FBXL13: variants seen among roughly 807,000 people sequenced by gnomAD.
FBXL13 encodes F-box and leucine rich repeat protein 13.
In FBXL13, 67 loss-of-function variants were observed where a neutral mutation model predicts 83.6. That is an observed-to-expected ratio of 0.80 (90% CI 0.66 to 0.98). FBXL13 has a LOEUF of 0.98. Among genes scored for constraint, FBXL13 ranks in the 50% least tolerant of loss-of-function variants. FBXL13 has a pLI of 0.00. For synonymous variants in FBXL13, 272 were observed against 299.5 expected (o/e 0.91, Z 0.95); for missense variants, 822 against 866.5 (o/e 0.95, Z 0.64).
At chr7:102,833,022 G>C (rs376506213) in intron 17 of FBXL13, 48 bp from the exon 19 acceptor site, 3 of 1,602,076 alleles carry the variant, frequency 1.9e-6, no homozygotes, top group South Asian at 1.1e-5. Context: ...TAGTCATCTA[G>C]AACTGTCTTA....
chr7:102,921,980 C>G (rs1817123972), intron 10 of FBXL13, among the ~76,000 whole-genome samples: 1 of 152,042 alleles, frequency 6.6e-6, no homozygotes, highest in African/African-American at 2.4e-5. Context: ...CACTTGAGGT[C>G]AAGAGTTTGA....
chr7:102,924,598 A>T (rs6949710), intron 10 of FBXL13, among the ~76,000 whole-genome samples: 1,840 of 151,766 alleles, frequency 0.012, 41 homozygotes, highest in African/African-American at 0.042. Flanking sequence ...TAGAGTCAGA[A>T]GATAAAGAAA....
rs116322530 is a variant in FBXL13, at chr7:103,012,874, A to T, written c.495+12189T>A. 4.4e-3 allele frequency among the ~76,000 whole-genome samples: 672 copies of T among 152,308 alleles called. 6 individuals carry two copies. The highest frequency in any genetic ancestry group is 0.015 in the African/African-American group (644 of 41,578). ...GGCACAGAGTGGAAAGCAAAACCCA[A>T]TGGTATACTGTCTTAAAGAGACCCA... On this transcript the variant is annotated intron_variant, in intron 6 of 19. Transcript: ENST00000313221.
intron 2 of FBXL13, among the ~76,000 whole-genome samples, chr7:103,034,586 T>C (rs1794884785): frequency 6.6e-6 from 1 of 152,116 alleles, no homozygotes; most frequent in African/African-American, 2.4e-5. Flanking sequence ...CGCCTTTCCC[T>C]CCACACCTCC....
chr7:102,940,611 A>T (rs1821238137), intron 8 of FBXL13, among the ~76,000 whole-genome samples: 2 of 152,252 alleles, frequency 1.3e-5, no homozygotes, highest in Admixed American at 1.3e-4. Flanking sequence ...ACTGCTAAGC[A>T]CTAAGCTCAA....
chr7:102,898,351 C>G (rs1299933874), intron 11 of FBXL13, among the ~76,000 whole-genome samples: 1 of 152,134 alleles, frequency 6.6e-6, no homozygotes, highest in African/African-American at 2.4e-5. Context: ...CTTTTCTTCT[C>G]TCTTTTTGAG....
At position 103,055,198 on chromosome 7, in the gene FBXL13, T is replaced by C. The variant is rs1585585219; in HGVS notation, c.-1+446A>G. ...ATATCCCTTTAATAACATCATAAAA[T>C]ACAGTCAAAATTAATTTCATTAATT... is the stretch of plus-strand genomic sequence containing the variant. On this transcript the variant is annotated intron_variant, in intron 2 of 19. Coordinates refer to ENST00000313221, the Ensembl canonical transcript of FBXL13. 1 of 1,212,778 alleles carries C rather than the reference T, an allele frequency of 8.2e-7. No individual in the cohort carries two copies. Among genetic ancestry groups the C allele is most frequent in the Non-Finnish European group, 1.1e-6 (1 of 930,392 alleles). The allele number at this position is 1,212,778 out of a possible 1,614,324, so 75.1% of individuals were successfully genotyped here.
intron 11 of FBXL13, among the ~76,000 whole-genome samples, chr7:102,892,574 G>T (rs1811670165): frequency 1.3e-5 from 2 of 152,100 alleles, no homozygotes; most frequent in African/African-American, 4.8e-5. Context: ...AGCAGGAATT[G>T]CACTGTGATT....
chr7:102,967,162 G>A (rs918614298), intron 7 of FBXL13, among the ~76,000 whole-genome samples: 2 of 152,038 alleles, frequency 1.3e-5, no homozygotes, highest in Admixed American at 6.6e-5. Flanking sequence ...TAGAGATGGC[G>A]TTGGCCAGGA....
At chr7:102,913,348 GTTAAC>G in intron 10 of FBXL13, 133 bp from the exon 12 acceptor site, 5 of 1,047,880 alleles carry the variant, frequency 4.8e-6, no homozygotes, top group Non-Finnish European at 4.1e-6. Context: ...TAACTTTACT[GTTAAC>G]TCTCTACCTG....
chr7:103,043,097 C>A (rs182599742), intron 2 of FBXL13, among the ~76,000 whole-genome samples: 234 of 152,244 alleles, frequency 1.5e-3, no homozygotes, highest in Admixed American at 2.4e-3. Context: ...TATCCAGAAT[C>A]TACAAAGAAC....
At chr7:102,867,195 GA>G (rs1458903986) in intron 16 of FBXL13, among the ~76,000 whole-genome samples, 1 of 151,764 alleles carries the variant, frequency 6.6e-6, no homozygotes, top group African/African-American at 2.4e-5. Flanking sequence ...CTCTACAAAA[GA>G]AAATTTGAAA....
chr7:103,009,782 C>G (rs1791398659), intron 6 of FBXL13, among the ~76,000 whole-genome samples: 1 of 152,218 alleles, frequency 6.6e-6, no homozygotes, highest in African/African-American at 2.4e-5. Context: ...CAGCCAGCCA[C>G]TCAACCCAAC....
At chr7:103,066,591 T>C (rs1161168543) in intron 1 of FBXL13, among the ~76,000 whole-genome samples, 3 of 151,264 alleles carry the variant, frequency 2.0e-5, no homozygotes, top group African/African-American at 4.9e-5. Context: ...GACGAGGTTT[T>C]ACCTTGTTAG....
At chr7:102,969,514 G>A (rs1015703488) in intron 6 of FBXL13, among the ~76,000 whole-genome samples, 10 of 151,718 alleles carry the variant, frequency 6.6e-5, no homozygotes, top group Non-Finnish European at 1.0e-4. Context: ...GAGAGAGAGA[G>A]AAATCCAGGA....
chr7:102,820,892 T>C (rs1172782901), intron 19 of FBXL13, among the ~76,000 whole-genome samples: 12 of 152,230 alleles, frequency 7.9e-5, no homozygotes, highest in Non-Finnish European at 1.0e-4. Flanking sequence ...TTTCAACACA[T>C]GAACTTGGGG....
At chr7:102,999,037 A>G (rs1790113277) in intron 6 of FBXL13, among the ~76,000 whole-genome samples, 1 of 151,946 alleles carries the variant, frequency 6.6e-6, no homozygotes, top group South Asian at 2.1e-4. Flanking sequence ...TTCATTCAGT[A>G]CGACGTTAGT....
chr7:103,055,110 A>T, intron 2 of FBXL13: 1 of 1,288,706 alleles, frequency 7.8e-7, no homozygotes, highest in South Asian at 1.2e-5. Flanking sequence ...CAATTCAAAA[A>T]GTTGTTCCAG....
At chr7:102,952,058 A>G (rs1287306484) in intron 8 of FBXL13, among the ~76,000 whole-genome samples, 1 of 152,142 alleles carries the variant, frequency 6.6e-6, no homozygotes, top group Non-Finnish European at 1.5e-5. Flanking sequence ...GTAAACCCTG[A>G]CGACATTGTG....
Sources: allele counts gnomAD v4.1 joint callset (sites outside exome capture counted in the v4.1 genomes callset), GRCh38; gene constraint gnomAD v4.1.1; transcripts MANE v1.5; gene names NCBI Gene and HGNC (gene_info 2026-07-23, HGNC 2026-07-21).